Variants in SNX29 observed in about 807,000 individuals in gnomAD.
SNX29 encodes the protein sorting nexin 29.
Under a neutral mutation model 102.1 loss-of-function variants are expected in SNX29, and 78 were observed. The observed-to-expected ratio is 0.76, with a 90% confidence interval of 0.64 to 0.92. SNX29 has a LOEUF of 0.92. Ranked by LOEUF, SNX29 falls within the 40% of genes least tolerant of loss-of-function variation. SNX29 has a pLI of 0.00. For synonymous variants in SNX29, 580 were observed against 414.5 expected (o/e 1.40, Z -4.85); for missense variants, 1,280 against 1,061.7 (o/e 1.21, Z -2.86).
intron 13 of SNX29, among the ~76,000 whole-genome samples, chr16:12,180,786 G>GT (rs1567284608): frequency 6.6e-6 from 1 of 152,104 alleles, no homozygotes; most frequent in African/African-American, 2.4e-5. Flanking sequence ...CGCCTGGCCC[G>GT]TTGCTTCTCT....
intron 4 of SNX29, among the ~76,000 whole-genome samples, chr16:12,039,949 G>C (rs1382921977): frequency 1.3e-5 from 2 of 152,218 alleles, no homozygotes; most frequent in Non-Finnish European, 2.9e-5. Flanking sequence ...TTAATGCTCA[G>C]TAAATAGTAG....
At chr16:12,454,342 A>T (rs1015246712) in intron 18 of SNX29, among the ~76,000 whole-genome samples, 1 of 152,220 alleles carries the variant, frequency 6.6e-6, no homozygotes, top group African/African-American at 2.4e-5. Context: ...CTCCCTGCAG[A>T]CTGCTTGTCC....
At chr16:12,362,956 A>G (rs908411753) in intron 16 of SNX29, among the ~76,000 whole-genome samples, 2 of 152,152 alleles carry the variant, frequency 1.3e-5, no homozygotes, top group African/African-American at 4.8e-5. Context: ...GAATGTCACC[A>G]GTGGGCCCCC....
At position 12,027,444 on chromosome 16, in the gene SNX29, G is replaced by A; in HGVS notation, c.247G>A (p.Glu83Lys). ...AAGFASKTET[E>K]PVFWYYVKEV... ...GGGCTTTGCCAGCAAAACCGAAACA[G>A]GTACTGCTCTGCCTGGCTGTAGCTT... Residue 83 changes from glutamate to lysine, a missense_variant and splice_region_variant, in exon 4 of 21, where the codon GAG becomes AAG. Glu to Lys is a moderately conservative substitution (Grantham distance 56). Coordinates refer to ENST00000566228, the MANE Select transcript of SNX29 (RefSeq NM_032167.5). 1 of 1,613,758 alleles carries A rather than the reference G, an allele frequency of 6.2e-7. No homozygotes were observed. Among genetic ancestry groups the A allele is most frequent in the Non-Finnish European group, 8.5e-7 (1 of 1,179,858 alleles).
Position 12,027,447 on chromosome 16 carries a change from A to C in SNX29, c.247+3A>C. 6.2e-7 allele frequency: 1 copy of C among 1,613,664 alleles called. No homozygotes were observed. Among genetic ancestry groups the C allele is most frequent in the Non-Finnish European group, 8.5e-7 (1 of 1,179,806 alleles). On this transcript the variant is annotated splice_donor_region_variant and intron_variant, in intron 4 of 20. Coordinates refer to ENST00000566228, the MANE Select transcript of SNX29 (RefSeq NM_032167.5). Reference sequence around the variant, plus strand: ...CTTTGCCAGCAAAACCGAAACAGGTACTGCTCTGCCTGGCTGTAGCTTGGA... The same window carrying C: ...CTTTGCCAGCAAAACCGAAACAGGTCCTGCTCTGCCTGGCTGTAGCTTGGA...
In SNX29 at chr16:12,568,634, G is replaced by A. The variant is rs373373575; in HGVS notation, c.*5G>A. 106 of 1,601,868 alleles carry A rather than the reference G, an allele frequency of 6.6e-5. No homozygotes were observed. Among genetic ancestry groups the A allele is most frequent in the African/African-American group, 2.7e-4 (20 of 74,964 alleles). On this transcript the variant is annotated 3_prime_UTR_variant, in exon 21 of 21. Coordinates refer to ENST00000566228, the MANE Select transcript of SNX29 (RefSeq NM_032167.5). ...CCCCAGAGCGGTGACCTCTGACCTCGACAAAACCGCAGCCACGGGCCCTGT... is the reference window on the plus strand; with the variant it reads ...CCCCAGAGCGGTGACCTCTGACCTCAACAAAACCGCAGCCACGGGCCCTGT...
Position 12,572,692 on chromosome 16 carries a change from T to G in SNX29, c.*4063T>G. 1 of 1,063,564 alleles carries G rather than the reference T, an allele frequency of 9.4e-7. No individual in the cohort carries two copies. Among genetic ancestry groups the G allele is most frequent in the Non-Finnish European group, 1.1e-6 (1 of 878,226 alleles). The allele number at this position is 1,063,564 out of a possible 1,614,324, so 65.9% of individuals were successfully genotyped here. ...CACCCACACGGGGGAAGCCCTGCAC[T>G]CCAGCAGCATCTTCCAGCCTTGGCA... On this transcript the variant is annotated 3_prime_UTR_variant, in exon 21 of 21. Transcript: ENST00000566228.
chr16:11,994,870 G>T (rs1365983879), intron 1 of SNX29, among the ~76,000 whole-genome samples: 2 of 152,102 alleles, frequency 1.3e-5, no homozygotes, highest in Non-Finnish European at 2.9e-5. Flanking sequence ...TGTAGAGCTG[G>T]AAGGGCATGA....
At chr16:12,078,313 A>G (rs548694572) in intron 10 of SNX29, among the ~76,000 whole-genome samples, 1 of 152,118 alleles carries the variant, frequency 6.6e-6, no homozygotes, top group African/African-American at 2.4e-5. Context: ...CATTTCTAGT[A>G]AAAATACAAG....
chr16:12,396,121 T>C (rs1008604342), intron 16 of SNX29, among the ~76,000 whole-genome samples: 3 of 152,206 alleles, frequency 2.0e-5, no homozygotes, highest in Non-Finnish European at 4.4e-5. Flanking sequence ...CACTCCTGGG[T>C]ACGCATATCC....
chr16:12,062,088 C>T (rs1435172314), intron 9 of SNX29, among the ~76,000 whole-genome samples: 1 of 152,088 alleles, frequency 6.6e-6, no homozygotes, highest in African/African-American at 2.4e-5. Context: ...TGGTTAAAAG[C>T]TGTTTCTGGG....
intron 9 of SNX29, among the ~76,000 whole-genome samples, chr16:12,064,993 A>G (rs1365684651): frequency 6.6e-6 from 1 of 152,196 alleles, no homozygotes; most frequent in African/African-American, 2.4e-5. Context: ...AGTCACTGAC[A>G]GTGGGGATAG....
At chr16:12,556,942 G>C (rs377009145) in intron 20 of SNX29, among the ~76,000 whole-genome samples, 1 of 20,954 alleles carries the variant, frequency 4.8e-5, no homozygotes. Context: ...AGCCTCTGCC[G>C]CTCAGGCTCA....
chr16:12,199,790 G>A, intron 14 of SNX29, 107 bp downstream of exon 14: 1 of 915,802 alleles, frequency 1.1e-6, no homozygotes, highest in Middle Eastern at 3.2e-4. Flanking sequence ...TATGTGGATG[G>A]ATTAGAATAA....
Position 12,545,584 on chromosome 16 carries a change from T to G in SNX29, c.2318+20743T>G, listed in dbSNP as rs182974958. 1.5e-4 allele frequency: 23 copies of G among 152,344 alleles called. 1 individual carries two copies. The East Asian group carries it at 4.1e-3, about 27-fold the overall frequency. The allele number at this position is 152,344 out of a possible 1,614,324, so 9.4% of individuals were successfully genotyped here. A position where few individuals can be genotyped will look rare whatever the true frequency, so the allele number is the denominator to read the frequency against. ...CGTTTGAGTAGATGGAGGAACCCATTTCCTCTGGAATCCAGAGGTACAGAA... is the reference window on the plus strand; with the variant it reads ...CGTTTGAGTAGATGGAGGAACCCATGTCCTCTGGAATCCAGAGGTACAGAA... On this transcript the variant is annotated intron_variant, in intron 20 of 20. Transcript: ENST00000566228.
chr16:12,164,180 A>G (rs897462648), intron 13 of SNX29, among the ~76,000 whole-genome samples: 2 of 152,128 alleles, frequency 1.3e-5, no homozygotes, highest in Non-Finnish European at 2.9e-5. Context: ...GGAAGGGCAT[A>G]TGCAAAGGCC....
chr16:12,245,140 T>C (rs1397894320), intron 14 of SNX29, among the ~76,000 whole-genome samples: 1 of 152,162 alleles, frequency 6.6e-6, no homozygotes. Context: ...AGATTTTTGT[T>C]GTTGGATTCC....
intron 20 of SNX29, among the ~76,000 whole-genome samples, chr16:12,564,891 GGGA>G: frequency 6.6e-6 from 1 of 150,994 alleles, no homozygotes; most frequent in East Asian, 2.0e-4. Flanking sequence ...GGATCCTGTG[GGGA>G]GGAGGCATCT....
intron 20 of SNX29, among the ~76,000 whole-genome samples, chr16:12,564,219 C>T (rs960228088): frequency 4.2e-4 from 32 of 76,482 alleles, no homozygotes; most frequent in African/African-American, 1.8e-3. Context: ...GAGACCCCCA[C>T]ATCTCTAAGA....
Sources: gnomAD v4.1 joint callset for allele counts (sites outside exome capture counted in the v4.1 genomes callset) on GRCh38, gnomAD v4.1.1 for gene constraint, MANE v1.5 for transcripts, NCBI Gene and HGNC (gene_info 2026-07-23, HGNC 2026-07-21) for gene names.